KCNK2: variants seen among roughly 807,000 people sequenced by gnomAD.
The protein encoded by KCNK2 is potassium channel subfamily K member 2.
In KCNK2, 21 loss-of-function variants were observed where a neutral mutation model predicts 40.5. That is an observed-to-expected ratio of 0.52 (90% CI 0.37 to 0.75). The LOEUF (loss-of-function observed/expected upper bound fraction) is 0.75. Among genes scored for constraint, KCNK2 ranks in the 30% least tolerant of loss-of-function variants. KCNK2 has a pLI of 0.00. For missense variants in KCNK2, 399 were observed against 531.6 expected (o/e 0.75, Z 2.45); for synonymous variants, 191 against 202.2 (o/e 0.94, Z 0.47).
chr1:215,075,621 C>CA (rs1252838331), intron 1 of KCNK2, among the ~76,000 whole-genome samples: 1 of 152,164 alleles, frequency 6.6e-6, no homozygotes, highest in African/African-American at 2.4e-5. Flanking sequence ...GCATAAATGG[C>CA]AAAAAATTTG....
At chr1:215,085,875 T>C (rs1418042869) in intron 1 of KCNK2, among the ~76,000 whole-genome samples, 1 of 152,236 alleles carries the variant, frequency 6.6e-6, no homozygotes, top group Non-Finnish European at 1.5e-5. Flanking sequence ...ATGCAATTCA[T>C]TTATTGTAAT....
chr1:215,112,694 G>T (rs1444670570), intron 2 of KCNK2, among the ~76,000 whole-genome samples: 1 of 152,066 alleles, frequency 6.6e-6, no homozygotes, highest in South Asian at 2.1e-4. Context: ...AATTTTTACT[G>T]TATCTATCAT....
chr1:215,154,131 A>G (rs1662806455), intron 3 of KCNK2, among the ~76,000 whole-genome samples: 1 of 152,110 alleles, frequency 6.6e-6, no homozygotes, highest in African/African-American at 2.4e-5. Context: ...TGCTGGGTCA[A>G]ATGTTAATTT....
chr1:215,193,278 A>C (rs561786761), intron 5 of KCNK2, among the ~76,000 whole-genome samples: 1 of 152,282 alleles, frequency 6.6e-6, no homozygotes, highest in Non-Finnish European at 1.5e-5. Flanking sequence ...TGAATTGGGC[A>C]AATCCATGCT....
intron 6 of KCNK2, among the ~76,000 whole-genome samples, chr1:215,231,209 T>G (rs1325500059): frequency 6.6e-6 from 1 of 152,216 alleles, no homozygotes; most frequent in African/African-American, 2.4e-5. Context: ...ACATTTAAAA[T>G]ACTTTCTATG....
chr1:215,031,570 T>A (rs542735234), intron 1 of KCNK2, among the ~76,000 whole-genome samples: 4 of 152,196 alleles, frequency 2.6e-5, no homozygotes, highest in Non-Finnish European at 5.9e-5. Context: ...AGATGCTTCT[T>A]ATTTTTGGAT....
intron 5 of KCNK2, among the ~76,000 whole-genome samples, chr1:215,189,323 G>A (rs1321053916): frequency 3.3e-5 from 5 of 152,204 alleles, no homozygotes; most frequent in Non-Finnish European, 7.3e-5. Context: ...TTACGGCTTT[G>A]TGAGGCAGGA....
intron 1 of KCNK2, among the ~76,000 whole-genome samples, chr1:215,063,652 C>T (rs1023890000): frequency 3.3e-5 from 5 of 152,150 alleles, no homozygotes; most frequent in East Asian, 1.9e-4. Context: ...TAATATACCA[C>T]GTTAGCTACT....
chr1:215,007,031 A>ATGTG (rs1346524192), intron 1 of KCNK2, among the ~76,000 whole-genome samples: 2 of 79,300 alleles, frequency 2.5e-5, no homozygotes, highest in African/African-American at 1.1e-4. Context: ...ATATATATAT[A>ATGTG]TATATATGTG....
chr1:215,157,396 C>G (rs1410334418), intron 3 of KCNK2, among the ~76,000 whole-genome samples: 1 of 152,166 alleles, frequency 6.6e-6, no homozygotes, highest in Non-Finnish European at 1.5e-5. Context: ...CCTACCAGAT[C>G]CAAGGTTCAG....
intron 1 of KCNK2, among the ~76,000 whole-genome samples, chr1:215,053,452 C>A (rs1254385833): frequency 2.0e-5 from 3 of 151,918 alleles, no homozygotes; most frequent in African/African-American, 7.3e-5. Flanking sequence ...AATGAACAGA[C>A]AAGTAGGTGA....
At chr1:215,013,885 C>G (rs530421626) in intron 1 of KCNK2, among the ~76,000 whole-genome samples, 161 of 152,240 alleles carry the variant, frequency 1.1e-3, no homozygotes, top group Non-Finnish European at 1.8e-3. Context: ...TTCTTCATTT[C>G]CAGTCAGTGT....
At chr1:215,125,827 G>A (rs2102582917) in intron 3 of KCNK2, among the ~76,000 whole-genome samples, 1 of 148,380 alleles carries the variant, frequency 6.7e-6, no homozygotes, top group Admixed American at 6.8e-5. Context: ...GTCATTCTGT[G>A]AGACTTGGGA....
chr1:215,203,911 G>A (rs1199666090), intron 6 of KCNK2, among the ~76,000 whole-genome samples: 2 of 151,560 alleles, frequency 1.3e-5, no homozygotes, highest in East Asian at 1.9e-4. Flanking sequence ...GGTGGCGGGC[G>A]CCTGTAGTCC....
chr1:215,095,538 A>G (rs538970158), intron 2 of KCNK2, among the ~76,000 whole-genome samples: 15 of 152,184 alleles, frequency 9.9e-5, no homozygotes, highest in Non-Finnish European at 1.9e-4. Flanking sequence ...TCAGCTTGAG[A>G]TGCTGAAAGT....
intron 1 of KCNK2, among the ~76,000 whole-genome samples, chr1:215,039,332 G>A (rs986987372): frequency 1.3e-5 from 2 of 152,060 alleles, no homozygotes; most frequent in Non-Finnish European, 2.9e-5. Context: ...GAAAGATGAA[G>A]GGTAGCTCGA....
chr1:215,175,046 A>C (rs969741585), intron 5 of KCNK2, among the ~76,000 whole-genome samples: 11 of 152,140 alleles, frequency 7.2e-5, no homozygotes, highest in African/African-American at 2.4e-4. Flanking sequence ...GTCTTGTGCC[A>C]GTTTTCAAAG....
intron 3 of KCNK2, among the ~76,000 whole-genome samples, chr1:215,167,682 G>A (rs1412925362): frequency 6.6e-6 from 1 of 152,072 alleles, no homozygotes; most frequent in Non-Finnish European, 1.5e-5. Flanking sequence ...CTTTAAAGTT[G>A]CTACTAAACT....
chr1:215,167,814 A>G (rs1663515908), intron 3 of KCNK2, among the ~76,000 whole-genome samples: 1 of 152,146 alleles, frequency 6.6e-6, no homozygotes, highest in Admixed American at 6.6e-5. Context: ...CAATAGAGAG[A>G]TAGAAGTAAG....
Sources: gnomAD v4.1 joint callset for allele counts (sites outside exome capture counted in the v4.1 genomes callset) on GRCh38, gnomAD v4.1.1 for gene constraint, MANE v1.5 for transcripts, NCBI Gene and HGNC (gene_info 2026-07-23, HGNC 2026-07-21) for gene names.